The following ASCC1 variants were observed in gnomAD, a reference collection of about 807,000 sequenced individuals.
ASCC1 encodes activating signal cointegrator 1 complex subunit 1.
ASCC1 carries 35 observed loss-of-function variants against 46.6 expected under a neutral mutation model. That is an observed-to-expected ratio of 0.75 (90% CI 0.57 to 0.99). The LOEUF (loss-of-function observed/expected upper bound fraction) is 0.99, where lower values mean the gene tolerates loss of function less well. Among genes scored for constraint, ASCC1 ranks in the 50% least tolerant of loss-of-function variants. ASCC1 has a pLI of 0.00. For synonymous variants in ASCC1, 143 were observed against 146.6 expected, an observed-to-expected ratio of 0.98 and a Z score of 0.18; for missense variants, 376 against 428.7, an observed-to-expected ratio of 0.88 and a Z score of 1.09.
chr10:72,161,000 G>A (rs1849618685), intron 6 of ASCC1, among the ~76,000 whole-genome samples: 2 of 151,800 alleles, frequency 1.3e-5, no homozygotes, highest in Non-Finnish European at 2.9e-5. Context: ...GGAGAATGGC[G>A]AGAACCCAGC....
intron 6 of ASCC1, among the ~76,000 whole-genome samples, chr10:72,154,878 T>C (rs931543257): frequency 2.0e-5 from 3 of 152,202 alleles, no homozygotes; most frequent in Admixed American, 6.5e-5. Context: ...AACATGGTAC[T>C]GATTAGATAA....
chr10:72,113,210 A>G (rs1369771915), intron 9 of ASCC1, among the ~76,000 whole-genome samples: 1 of 152,220 alleles, frequency 6.6e-6, no homozygotes, highest in Non-Finnish European at 1.5e-5. Context: ...ATTTTAAGAA[A>G]GGTAATGCTA....
At chr10:72,137,179 G>A (rs1237539521) in intron 7 of ASCC1, among the ~76,000 whole-genome samples, 2 of 151,596 alleles carry the variant, frequency 1.3e-5, no homozygotes, top group Admixed American at 1.3e-4. Flanking sequence ...GCCTCCCAAA[G>A]TGCTGGGACG....
intron 4 of ASCC1, among the ~76,000 whole-genome samples, chr10:72,201,133 T>C (rs1161763712): frequency 6.6e-6 from 1 of 152,038 alleles, no homozygotes; most frequent in Non-Finnish European, 1.5e-5. Context: ...ACTTATCTGC[T>C]GTCAAGGTGA....
chr10:72,171,107 T>C (rs1205622346), intron 5 of ASCC1, among the ~76,000 whole-genome samples: 1 of 152,248 alleles, frequency 6.6e-6, no homozygotes, highest in Admixed American at 6.5e-5. Flanking sequence ...TAGGTGAATC[T>C]GAATAAAGGA....
At chr10:72,203,278 C>T in intron 4 of ASCC1, 149 bp downstream of exon 4, 1 of 680,766 alleles carries the variant, frequency 1.5e-6, no homozygotes, top group African/African-American at 2.0e-5. Context: ...AAGGGCAAAA[C>T]TCCGTCTCAA....
intron 4 of ASCC1, chr10:72,198,580 C>T (rs1855996550): frequency 2.2e-6 from 1 of 455,580 alleles, no homozygotes; most frequent in Admixed American, 2.4e-5. Context: ...TTCTGATGTT[C>T]CATTGCCTGA....
intron 7 of ASCC1, among the ~76,000 whole-genome samples, chr10:72,149,198 G>A (rs1468030840): frequency 1.3e-5 from 2 of 151,682 alleles, no homozygotes; most frequent in Admixed American, 1.3e-4. Context: ...CAGCACTTTG[G>A]GAGGCCAAGG....
At chr10:72,189,657 C>T (rs749557781) in intron 5 of ASCC1, among the ~76,000 whole-genome samples, 3 of 151,944 alleles carry the variant, frequency 2.0e-5, no homozygotes, top group Non-Finnish European at 4.4e-5. Context: ...ACAAAATTAG[C>T]TGGGCATGGT....
chr10:72,128,061 T>C (rs1433744616), intron 9 of ASCC1, 21 bp downstream of exon 9: 9 of 1,590,498 alleles, frequency 5.7e-6, no homozygotes, highest in Non-Finnish European at 7.8e-6. Flanking sequence ...GGATTTCCAA[T>C]TCACTCTGCT....
chr10:72,123,921 A>G (rs1327566688), intron 9 of ASCC1, among the ~76,000 whole-genome samples: 1 of 152,268 alleles, frequency 6.6e-6, no homozygotes, highest in Non-Finnish European at 1.5e-5. Flanking sequence ...GTACATATAT[A>G]AATATACACA....
At chr10:72,138,923 TG>T (rs963529578) in intron 7 of ASCC1, among the ~76,000 whole-genome samples, 2 of 152,110 alleles carry the variant, frequency 1.3e-5, no homozygotes, top group African/African-American at 2.4e-5. Flanking sequence ...TCTTATTCAC[TG>T]TTTTATCTCT....
chr10:72,151,992 ATTTT>A (rs35458668), intron 7 of ASCC1, among the ~76,000 whole-genome samples: 12 of 118,196 alleles, frequency 1.0e-4, no homozygotes, highest in Admixed American at 8.6e-5. Context: ...ACCGGCCAAT[ATTTT>A]TTTTTTTTTT....
intron 5 of ASCC1, among the ~76,000 whole-genome samples, chr10:72,195,243 C>A (rs1305248486): frequency 6.9e-6 from 1 of 144,972 alleles, no homozygotes; most frequent in African/African-American, 2.6e-5. Flanking sequence ...ACCTCCTAGG[C>A]TCAAGCCATT....
chr10:72,176,285 AT>A (rs1452003225), intron 5 of ASCC1, among the ~76,000 whole-genome samples: 1 of 151,790 alleles, frequency 6.6e-6, no homozygotes, highest in Non-Finnish European at 1.5e-5. Context: ...ACTGCCTTCA[AT>A]TTTTTTTCTG....
At chr10:72,206,392 G>A (rs894994661) in intron 3 of ASCC1, among the ~76,000 whole-genome samples, 2 of 151,946 alleles carry the variant, frequency 1.3e-5, no homozygotes, top group South Asian at 2.1e-4. Context: ...CAACAAGAGC[G>A]AAACTCCCGT....
intron 3 of ASCC1, among the ~76,000 whole-genome samples, chr10:72,209,859 T>C (rs985034645): frequency 2.6e-5 from 4 of 152,184 alleles, no homozygotes; most frequent in South Asian, 2.1e-4. Context: ...AAATCTCATG[T>C]TGAAATGTAA....
intron 5 of ASCC1, among the ~76,000 whole-genome samples, chr10:72,164,024 G>A (rs1008321450): frequency 6.6e-6 from 1 of 151,874 alleles, no homozygotes; most frequent in Non-Finnish European, 1.5e-5. Context: ...GTGCAATGAT[G>A]CGATCTTGGC....
chr10:72,199,939 C>G (rs1176842812), intron 4 of ASCC1, among the ~76,000 whole-genome samples: 1 of 151,740 alleles, frequency 6.6e-6, no homozygotes, highest in Non-Finnish European at 1.5e-5. Flanking sequence ...TGCCATGTTG[C>G]CCGGGCTGAC....
Sources: allele counts gnomAD v4.1 joint callset (sites outside exome capture counted in the v4.1 genomes callset), GRCh38; gene constraint gnomAD v4.1.1; transcripts MANE v1.5; gene names NCBI Gene and HGNC (gene_info 2026-07-23, HGNC 2026-07-21).